DCC: variants seen among roughly 807,000 people sequenced by gnomAD.
DCC encodes the protein netrin receptor DCC.
DCC carries 58 observed loss-of-function variants against 172.5 expected under a neutral mutation model. The ratio of observed to expected loss-of-function variants is 0.34; its 90% CI spans 0.27 to 0.42. The LOEUF (loss-of-function observed/expected upper bound fraction) is 0.42, where lower values mean the gene tolerates loss of function less well. Ranked by LOEUF, DCC falls within the 10% of genes least tolerant of loss-of-function variation. The pLI is 1.00. For missense variants in DCC, 1,740 were observed against 1,791.0 expected (o/e 0.97, Z 0.51); for synonymous variants, 709 against 644.5 (o/e 1.10, Z -1.52).
intron 1 of DCC, among the ~76,000 whole-genome samples, chr18:52,648,681 A>G (rs772965500): frequency 6.6e-6 from 1 of 152,184 alleles, no homozygotes; most frequent in Non-Finnish European, 1.5e-5. Context: ...TCCGAGGTCT[A>G]TTATTACTTT....
intron 7 of DCC, among the ~76,000 whole-genome samples, chr18:53,071,007 A>G (rs959531296): frequency 6.6e-6 from 1 of 152,190 alleles, no homozygotes; most frequent in Non-Finnish European, 1.5e-5. Context: ...CGGTCACCAT[A>G]TATTTTGAAG....
In DCC at chr18:53,436,271, A is replaced by G. The variant is rs542753751; in HGVS notation, c.3229+1062A>G. Among the ~76,000 whole-genome samples, 8 of 152,324 alleles carry G rather than the reference A, an allele frequency of 5.3e-5. No homozygotes were observed. In the East Asian group the frequency reaches 1.2e-3, roughly 22 times the overall value. On this transcript the variant is annotated intron_variant, in intron 22 of 28. Transcript: ENST00000442544. ...TTAACGTAGTTTTGAAGATGTATCC[A>G]TGTGTTTACAAATAGCTCTCACTCA...
chr18:53,521,644 C>T (rs2046399999), intron 27 of DCC, among the ~76,000 whole-genome samples: 1 of 152,038 alleles, frequency 6.6e-6, no homozygotes, highest in Admixed American at 6.6e-5. Flanking sequence ...TATGCCTATG[C>T]CTTTCACTTT....
chr18:52,715,025 T>C (rs75661141), intron 1 of DCC, among the ~76,000 whole-genome samples: 2,331 of 152,188 alleles, frequency 0.015, 115 homozygotes, highest in Admixed American at 0.098. Context: ...AATGGAAGGA[T>C]TATTGGACTA....
chr18:53,386,936 C>G (rs1297836435), intron 16 of DCC, among the ~76,000 whole-genome samples: 1 of 152,152 alleles, frequency 6.6e-6, no homozygotes, highest in East Asian at 1.9e-4. Context: ...TCCCCAAACC[C>G]CTGCCACAGA....
chr18:53,263,762 C>T (rs2056634059), intron 12 of DCC, among the ~76,000 whole-genome samples: 3 of 151,950 alleles, frequency 2.0e-5, no homozygotes, highest in African/African-American at 4.8e-5. Flanking sequence ...ATTAGATACC[C>T]TGTTAGTAGC....
chr18:52,667,770 A>C (rs1044459347), intron 1 of DCC, among the ~76,000 whole-genome samples: 2 of 152,222 alleles, frequency 1.3e-5, no homozygotes, highest in African/African-American at 4.8e-5. Context: ...AAGCAAAGAA[A>C]GAAAGAAAGA....
At chr18:52,390,141 C>T (rs907877508) in intron 1 of DCC, among the ~76,000 whole-genome samples, 3 of 152,064 alleles carry the variant, frequency 2.0e-5, no homozygotes, top group Non-Finnish European at 2.9e-5. Context: ...ATAGGGGAAA[C>T]ATTCTTCCCT....
At chr18:53,333,344 A>C (rs2057553135) in intron 14 of DCC, among the ~76,000 whole-genome samples, 1 of 152,258 alleles carries the variant, frequency 6.6e-6, no homozygotes, top group Non-Finnish European at 1.5e-5. Flanking sequence ...TGCTGTAAAG[A>C]AATATAGGCT....
Position 52,508,420 on chromosome 18 carries a change from T to C in DCC, c.91+167542T>C, listed in dbSNP as rs541986777. Among the ~76,000 whole-genome samples, 16 of 152,328 alleles carry C rather than the reference T, an allele frequency of 1.1e-4. No individual in the cohort carries two copies. In the South Asian group the frequency reaches 3.3e-3, roughly 32 times the overall value. On this transcript the variant is annotated intron_variant, in intron 1 of 28. Transcript: ENST00000442544. ...AAAATAAATTCTTTCTATAGATACA[T>C]ATAATTTCAGATTACACAGCATGCC...
At chr18:53,297,561 T>A (rs1310475437) in intron 12 of DCC, among the ~76,000 whole-genome samples, 4 of 152,204 alleles carry the variant, frequency 2.6e-5, no homozygotes. Flanking sequence ...ATGTGTTAAG[T>A]ACTTTTAATA....
chr18:52,918,284 G>A (rs1253236561), intron 3 of DCC, among the ~76,000 whole-genome samples: 1 of 151,988 alleles, frequency 6.6e-6, no homozygotes, highest in African/African-American at 2.4e-5. Flanking sequence ...TATGAATAGT[G>A]GTGCCCATAT....
chr18:53,492,977 T>TGTG (rs1284235348), intron 26 of DCC, among the ~76,000 whole-genome samples: 1 of 152,216 alleles, frequency 6.6e-6, no homozygotes, highest in African/African-American at 2.4e-5. Flanking sequence ...TCCATTTGTT[T>TGTG]GTGTCCTCTC....
intron 3 of DCC, among the ~76,000 whole-genome samples, chr18:52,915,933 G>A (rs2040032707): frequency 6.6e-6 from 1 of 151,962 alleles, no homozygotes; most frequent in Non-Finnish European, 1.5e-5. Flanking sequence ...CTAGAACTTT[G>A]GAATTTCTTG....
At chr18:53,315,113 A>T (rs923169744) in intron 13 of DCC, among the ~76,000 whole-genome samples, 1 of 152,086 alleles carries the variant, frequency 6.6e-6, no homozygotes, top group Non-Finnish European at 1.5e-5. Flanking sequence ...TCCCTCCCCT[A>T]GCCCCCCACT....
At chr18:52,884,398 T>C (rs2039539822) in intron 2 of DCC, among the ~76,000 whole-genome samples, 1 of 152,048 alleles carries the variant, frequency 6.6e-6, no homozygotes, top group Admixed American at 6.6e-5. Context: ...CCTTTTTTTT[T>C]TATTTCCTCC....
chr18:53,090,272 A>T (rs1217297773), intron 7 of DCC, among the ~76,000 whole-genome samples: 1 of 152,128 alleles, frequency 6.6e-6, no homozygotes, highest in Non-Finnish European at 1.5e-5. Context: ...AGCAAATACA[A>T]CTCTAACAGT....
chr18:52,899,676 T>TA (rs1258131077), intron 2 of DCC, among the ~76,000 whole-genome samples: 1 of 151,912 alleles, frequency 6.6e-6, no homozygotes, highest in Admixed American at 6.6e-5. Flanking sequence ...TTTTTTTTTT[T>TA]ATAGAGACAG....
At chr18:53,255,725 C>A (rs574023904) in intron 12 of DCC, among the ~76,000 whole-genome samples, 1 of 152,074 alleles carries the variant, frequency 6.6e-6, no homozygotes, top group Non-Finnish European at 1.5e-5. Context: ...TGGGTATATA[C>A]CCAGTAACGG....
Sources: allele counts gnomAD v4.1 joint callset (sites outside exome capture counted in the v4.1 genomes callset), GRCh38; gene constraint gnomAD v4.1.1; transcripts MANE v1.5; gene names NCBI Gene and HGNC (gene_info 2026-07-23, HGNC 2026-07-21).